LRRC4C: variants seen among roughly 807,000 people sequenced by gnomAD.
The protein encoded by LRRC4C is leucine-rich repeat-containing protein 4C.
A neutral mutation model predicts 33.6 loss-of-function variants in LRRC4C; 5 were observed. The observed-to-expected ratio is 0.15, with a 90% confidence interval of 0.08 to 0.31. The LOEUF is 0.31. Among genes scored for constraint, LRRC4C ranks in the 10% least tolerant of loss-of-function variants. The pLI, the probability that LRRC4C is intolerant of heterozygous loss-of-function variation, is 1.00. For missense variants in LRRC4C, 560 were observed against 796.7 expected, an observed-to-expected ratio of 0.70 and a Z score of 3.58; for synonymous variants, 329 against 302.0, an observed-to-expected ratio of 1.09 and a Z score of -0.93.
intron 3 of LRRC4C, among the ~76,000 whole-genome samples, chr11:40,373,847 C>T (rs1247217163): frequency 1.3e-5 from 2 of 152,166 alleles, no homozygotes; most frequent in African/African-American, 2.4e-5. Context: ...TCCCCCAGTC[C>T]TCATCAGAAG....
chr11:41,157,256 A>C (rs915812931), intron 1 of LRRC4C, among the ~76,000 whole-genome samples: 1 of 152,126 alleles, frequency 6.6e-6, no homozygotes, highest in African/African-American at 2.4e-5. Context: ...GGTTTTTATA[A>C]GGCAGGATGC....
chr11:40,945,711 T>C (rs1958365645), intron 1 of LRRC4C, among the ~76,000 whole-genome samples: 1 of 152,136 alleles, frequency 6.6e-6, no homozygotes, highest in Admixed American at 6.6e-5. Context: ...GATTAAGCAA[T>C]CCACCAACCA....
intron 2 of LRRC4C, among the ~76,000 whole-genome samples, chr11:40,769,291 C>T (rs1949637460): frequency 6.6e-6 from 1 of 151,852 alleles, no homozygotes; most frequent in Admixed American, 6.6e-5. Context: ...AAAATCTGTA[C>T]AATGGAAACT....
chr11:40,905,267 A>C (rs967942283), intron 2 of LRRC4C, among the ~76,000 whole-genome samples: 3 of 152,104 alleles, frequency 2.0e-5, no homozygotes, highest in South Asian at 2.1e-4. Flanking sequence ...AAGCTCTTCT[A>C]GACAAAATAA....
intron 1 of LRRC4C, among the ~76,000 whole-genome samples, chr11:40,955,797 A>G (rs973261788): frequency 1.3e-5 from 2 of 151,570 alleles, no homozygotes; most frequent in Admixed American, 1.3e-4. Context: ...GAAACTCAGA[A>G]AGCTCTTCAT....
chr11:40,557,649 T>G lies in LRRC4C; in HGVS notation c.-270+90493A>C, dbSNP rs570671111. Among the ~76,000 whole-genome samples the G allele has an allele frequency of 4.0e-5, 6 of 151,882 alleles. No homozygotes were observed. In the South Asian group the frequency reaches 1.2e-3, roughly 32 times the overall value. The stretch of plus-strand genomic sequence containing the variant: ...ATTCTCAAGATGAGGAAAGTGAGCT[T>G]CTCTGACATTTTTACACTGTCTATA... On this transcript the variant is annotated intron_variant, in intron 3 of 6. Coordinates refer to ENST00000528697, the MANE Select transcript of LRRC4C (RefSeq NM_001258419.2).
At chr11:40,837,883 AAACT>A (rs1045621067) in intron 2 of LRRC4C, among the ~76,000 whole-genome samples, 1 of 37,466 alleles carries the variant, frequency 2.7e-5, no homozygotes, top group African/African-American at 6.5e-5. Context: ...AATGATGCTT[AAACT>A]ATATATATAT....
chr11:41,230,740 G>T (rs543389870), intron 1 of LRRC4C, among the ~76,000 whole-genome samples: 1 of 151,878 alleles, frequency 6.6e-6, no homozygotes. Context: ...GGCAACAAAA[G>T]CCAAAATTGA....
intron 1 of LRRC4C, among the ~76,000 whole-genome samples, chr11:41,132,179 G>T (rs1943043871): frequency 6.6e-6 from 1 of 152,048 alleles, no homozygotes; most frequent in Non-Finnish European, 1.5e-5. Context: ...ATCTTTCACA[G>T]AATTTAGCAT....
intron 3 of LRRC4C, among the ~76,000 whole-genome samples, chr11:40,323,138 C>G (rs1379348988): frequency 6.6e-6 from 1 of 152,124 alleles, no homozygotes; most frequent in Non-Finnish European, 1.5e-5. Flanking sequence ...AGCAATTGCA[C>G]TCAAAGGCAG....
rs535189319 is a variant in LRRC4C at position 41,210,324 on chromosome 11, C to T, written c.-496+249107G>A. Among the ~76,000 whole-genome samples the T allele has an allele frequency of 1.6e-4, 25 of 152,190 alleles. 2 individuals carry two copies. The South Asian group carries it at 4.6e-3, about 28-fold the overall frequency. ...ATAACTGAATCATGGGGGCGGTTTT[C>T]CCCATACTGTTCTCCTGGTCTTGAA... On this transcript the variant is annotated intron_variant, in intron 1 of 6. Transcript: ENST00000528697.
chr11:40,309,390 T>TC (rs1945193258), intron 4 of LRRC4C, among the ~76,000 whole-genome samples: 1 of 152,260 alleles, frequency 6.6e-6, no homozygotes, highest in South Asian at 2.1e-4. Context: ...TATCAGTATT[T>TC]CATTCCATTT....
chr11:40,480,894 G>A (rs1953523115), intron 3 of LRRC4C, among the ~76,000 whole-genome samples: 1 of 151,998 alleles, frequency 6.6e-6, no homozygotes, highest in Admixed American at 6.6e-5. Context: ...ACTCATAGAA[G>A]CAGAGAGAAG....
intron 1 of LRRC4C, among the ~76,000 whole-genome samples, chr11:41,210,573 G>T (rs1019220842): frequency 1.3e-5 from 2 of 152,086 alleles, no homozygotes; most frequent in African/African-American, 4.8e-5. Flanking sequence ...CTAATACAAT[G>T]ATCCTTTGGT....
At chr11:41,200,262 T>C (rs1321219808) in intron 1 of LRRC4C, among the ~76,000 whole-genome samples, 1 of 152,118 alleles carries the variant, frequency 6.6e-6, no homozygotes, top group African/African-American at 2.4e-5. Context: ...AATACTTTTT[T>C]GACAAAGGAC....
chr11:40,469,887 G>T (rs1263178214), intron 3 of LRRC4C, among the ~76,000 whole-genome samples: 2 of 152,158 alleles, frequency 1.3e-5, no homozygotes, highest in Non-Finnish European at 2.9e-5. Flanking sequence ...CCCAGTCAGG[G>T]GCTTATAGAT....
chr11:40,431,868 C>T (rs1950949806), intron 3 of LRRC4C, among the ~76,000 whole-genome samples: 1 of 152,122 alleles, frequency 6.6e-6, no homozygotes, highest in Admixed American at 6.5e-5. Context: ...GGACTGAGCC[C>T]ATCCTCATTA....
At chr11:40,950,498 A>G (rs190447182) in intron 1 of LRRC4C, among the ~76,000 whole-genome samples, 208 of 152,122 alleles carry the variant, frequency 1.4e-3, no homozygotes, top group African/African-American at 4.5e-3. Context: ...TCTTTGTATT[A>G]TAATTATTAT....
intron 2 of LRRC4C, among the ~76,000 whole-genome samples, chr11:40,723,702 G>A (rs537144713): frequency 6.6e-6 from 1 of 152,108 alleles, no homozygotes; most frequent in Admixed American, 6.5e-5. Context: ...ACTACGCAAT[G>A]GAGACTACAA....
Sources: allele counts gnomAD v4.1 joint callset (sites outside exome capture counted in the v4.1 genomes callset), GRCh38; gene constraint gnomAD v4.1.1; transcripts MANE v1.5; gene names NCBI Gene and HGNC (gene_info 2026-07-23, HGNC 2026-07-21).